SEMA3D: variants seen among roughly 807,000 people sequenced by gnomAD.
SEMA3D encodes the protein semaphorin 3D, also known as semaphorin-3D.
A neutral mutation model predicts 100.1 loss-of-function variants in SEMA3D; 84 were observed. The ratio of observed to expected loss-of-function variants is 0.84; its 90% confidence interval spans 0.70 to 1.01. The LOEUF is 1.01. SEMA3D is among the 50% of genes least tolerant of loss of function. The probability of loss-of-function intolerance (pLI) is 0.00; values close to 1 mark genes in which losing one functional copy is unlikely to be tolerated. For synonymous variants in SEMA3D, 312 were observed against 320.7 expected, an observed-to-expected ratio of 0.97 and a Z score of 0.29; for missense variants, 875 against 934.1, an observed-to-expected ratio of 0.94 and a Z score of 0.82.
At chr7:85,234,565 C>T in the SEMA3D span, among the ~76,000 whole-genome samples, 1 of 152,054 alleles carries the variant, frequency 6.6e-6, no homozygotes, top group Non-Finnish European at 1.5e-5. Context: ...GAGGGCTGCA[C>T]CTACAGAGCT....
chr7:85,172,036 A>G (rs1376243253), intron 1 of SEMA3D, among the ~76,000 whole-genome samples: 1 of 151,878 alleles, frequency 6.6e-6, no homozygotes, highest in Non-Finnish European at 1.5e-5. Flanking sequence ...ATAGACACAC[A>G]TATGTATGAG....
At chr7:85,025,371 C>G (rs945194245) in intron 12 of SEMA3D, among the ~76,000 whole-genome samples, 1 of 152,038 alleles carries the variant, frequency 6.6e-6, no homozygotes, top group Admixed American at 6.6e-5. Flanking sequence ...AACCCAACAG[C>G]AACCAGCCCT....
At chr7:85,240,474 G>A in the SEMA3D span, among the ~76,000 whole-genome samples, 1 of 152,002 alleles carries the variant, frequency 6.6e-6, no homozygotes, top group Non-Finnish European at 1.5e-5. Context: ...TTCTTCTTCT[G>A]GTTTTAATAG....
At position 85,028,180 on chromosome 7, in the gene SEMA3D, G is replaced by A. The variant is rs1790443814; in HGVS notation, c.1192-5567C>T. The A allele has an allele frequency of 1.2e-5, 8 of 646,016 alleles. 1 individual carries two copies. Among genetic ancestry groups the A allele is most frequent in the South Asian group, 1.1e-4 (7 of 65,218 alleles). 40.0% of individuals were successfully genotyped at this position (646,016 alleles called of 1,614,324 possible). ...GACAAAAAGCTGCTACCCATAGGAGGTGTCTTCTATGGTTCTGACAAAGAT... is the reference window on the plus strand; with the variant it reads ...GACAAAAAGCTGCTACCCATAGGAGATGTCTTCTATGGTTCTGACAAAGAT... On this transcript the variant is annotated intron_variant, in intron 12 of 18. Transcript: ENST00000284136.
chr7:85,115,234 T>A (rs958051118), intron 3 of SEMA3D, among the ~76,000 whole-genome samples: 2 of 152,174 alleles, frequency 1.3e-5, no homozygotes, highest in Non-Finnish European at 2.9e-5. Context: ...GTAAGTAGAC[T>A]GGGGTTGACT....
At chr7:85,011,377 T>G (rs939512301) in intron 17 of SEMA3D, among the ~76,000 whole-genome samples, 1 of 151,842 alleles carries the variant, frequency 6.6e-6, no homozygotes, top group Non-Finnish European at 1.5e-5. Flanking sequence ...TAGAAAAGAC[T>G]GTGTGCAGTG....
At chr7:85,141,747 G>A (rs1171439840) in intron 2 of SEMA3D, 1 of 857,924 alleles carries the variant, frequency 1.2e-6, no homozygotes, top group African/African-American at 1.8e-5. Context: ...GAGAAACTGG[G>A]CTCTGTTTTC....
chr7:85,085,944 T>C (rs557624735), intron 4 of SEMA3D, among the ~76,000 whole-genome samples: 1 of 152,344 alleles, frequency 6.6e-6, no homozygotes, highest in African/African-American at 2.4e-5. Flanking sequence ...TGCACCATCC[T>C]AGTTGATGAA....
chr7:85,173,629 G>A (rs1791145884), intron 1 of SEMA3D, among the ~76,000 whole-genome samples: 1 of 152,130 alleles, frequency 6.6e-6, no homozygotes, highest in Non-Finnish European at 1.5e-5. Flanking sequence ...ATTGTAATAT[G>A]CATAGTCTGT....
chr7:85,144,139 CA>C (rs984037864), intron 2 of SEMA3D, among the ~76,000 whole-genome samples: 1 of 151,890 alleles, frequency 6.6e-6, no homozygotes, highest in Non-Finnish European at 1.5e-5. Context: ...AATTATTAAT[CA>C]AAAAACCATT....
chr7:85,048,875 T>G (rs1562796653), intron 9 of SEMA3D, among the ~76,000 whole-genome samples: 1 of 151,856 alleles, frequency 6.6e-6, no homozygotes, highest in Non-Finnish European at 1.5e-5. Context: ...AAATATAACA[T>G]GTAGAAACAA....
At chr7:85,207,321 T>C in the SEMA3D span, among the ~76,000 whole-genome samples, 2 of 152,134 alleles carry the variant, frequency 1.3e-5, no homozygotes, top group East Asian at 3.9e-4. Context: ...TTCAATGGGG[T>C]AGAATACCAA....
At chr7:85,140,568 G>C in intron 2 of SEMA3D, 1 of 970,390 alleles carries the variant, frequency 1.0e-6, no homozygotes, top group Non-Finnish European at 1.2e-6. Context: ...TTTTATAGCA[G>C]AGTTTTATCT....
In SEMA3D at chr7:84,996,178, G is replaced by T. The variant is rs1789494871; in HGVS notation, c.*3262C>A. ...TAATGAATGCTCTTATTATTTTTTG[G>T]ACAGCTGAATGATATCAAGTTGTTC... On this transcript the variant is annotated 3_prime_UTR_variant, in exon 19 of 19. Coordinates refer to ENST00000284136, the MANE Select transcript of SEMA3D (RefSeq NM_001384900.1). 1.3e-5 allele frequency: 2 copies of T among 151,576 alleles called. No homozygotes were observed. Among genetic ancestry groups the T allele is most frequent in the African/African-American group, 4.8e-5 (2 of 41,300 alleles). 9.4% of individuals were successfully genotyped at this position (151,576 alleles called of 1,614,324 possible). A position where few individuals can be genotyped will look rare whatever the true frequency, so the allele number is the denominator to read the frequency against.
At chr7:85,185,356 T>A (rs922767432) in intron 1 of SEMA3D, among the ~76,000 whole-genome samples, 5 of 149,588 alleles carry the variant, frequency 3.3e-5, no homozygotes, top group African/African-American at 1.2e-4. Flanking sequence ...CACCCCGCCA[T>A]CCCCCGCTAG....
the SEMA3D span, among the ~76,000 whole-genome samples, chr7:85,233,177 G>A: frequency 6.6e-6 from 1 of 151,778 alleles, no homozygotes; most frequent in African/African-American, 2.4e-5. Flanking sequence ...AAAAAAATGT[G>A]TTGATGTTAG....
intron 2 of SEMA3D, among the ~76,000 whole-genome samples, chr7:85,136,314 G>C (rs762739310): frequency 1.3e-5 from 2 of 152,060 alleles, no homozygotes; most frequent in African/African-American, 4.8e-5. Context: ...ATAAAATCAA[G>C]ATTTCTCCTT....
chr7:85,201,807 G>T, the SEMA3D span, among the ~76,000 whole-genome samples: 8 of 151,914 alleles, frequency 5.3e-5, no homozygotes, highest in African/African-American at 1.9e-4. Flanking sequence ...GCTCACTGCA[G>T]CCTTGATCTC....
At chr7:85,021,958 G>C (rs991277164) in intron 13 of SEMA3D, among the ~76,000 whole-genome samples, 9 of 151,686 alleles carry the variant, frequency 5.9e-5, no homozygotes, top group Admixed American at 4.0e-4. Context: ...TCTATTTAAA[G>C]GTCTTTACAA....
Sources: allele counts gnomAD v4.1 joint callset (sites outside exome capture counted in the v4.1 genomes callset), GRCh38; gene constraint gnomAD v4.1.1; transcripts MANE v1.5; gene names NCBI Gene and HGNC (gene_info 2026-07-23, HGNC 2026-07-21).